SLC12A8: variants seen among roughly 807,000 people sequenced by gnomAD.
SLC12A8 encodes the protein solute carrier family 12 member 8, also known as cation-chloride cotransporter 9.
Under a neutral mutation model 75.6 loss-of-function variants are expected in SLC12A8, and 69 were observed. The ratio of observed to expected loss-of-function variants is 0.91; its 90% CI spans 0.75 to 1.11. The LOEUF (loss-of-function observed/expected upper bound fraction) is 1.11, where lower values mean the gene tolerates loss of function less well. Ranked by LOEUF, SLC12A8 falls within the 50% of genes most tolerant of loss-of-function variation. The pLI, the probability that SLC12A8 is intolerant of heterozygous loss-of-function variation, is 0.00. For synonymous variants in SLC12A8, 365 were observed against 372.8 expected, an observed-to-expected ratio of 0.98 and a Z score of 0.24; for missense variants, 877 against 896.7, an observed-to-expected ratio of 0.98 and a Z score of 0.28.
intron 6 of SLC12A8, among the ~76,000 whole-genome samples, chr3:125,124,506 T>G (rs1297442369): frequency 6.6e-6 from 1 of 152,200 alleles, no homozygotes; most frequent in Non-Finnish European, 1.5e-5. Flanking sequence ...TTTGTATTTT[T>G]AGTAGAGATG....
rs1044652928 is a variant in SLC12A8, at chr3:125,107,983, A to C, written c.1203T>G (p.Ser401=). 13 of 1,614,066 alleles carry C rather than the reference A, an allele frequency of 8.1e-6. No individual in the cohort carries two copies. The highest frequency in any genetic ancestry group is 1.1e-5 in the Non-Finnish European group (13 of 1,180,032). Residue 401 remains serine, a synonymous_variant, in exon 10 of 14, where the codon TCT becomes TCG. Coordinates refer to ENST00000469902, the MANE Select transcript of SLC12A8 (RefSeq NM_024628.6). ...FMLTYVAVDY[S]YFSLSMCSCS... ...AGGAACACATGGACAGGGAGAAGTA[A>C]GAGTAGTCCACTGCAACGTATGTCA...
intron 5 of SLC12A8, among the ~76,000 whole-genome samples, chr3:125,152,916 C>G (rs1405234793): frequency 1.3e-5 from 2 of 152,112 alleles, no homozygotes; most frequent in Non-Finnish European, 2.9e-5. Context: ...CCTCCTGGCA[C>G]CCCGTAGGCT....
At chr3:125,179,258 C>T (rs770520272) in intron 4 of SLC12A8, among the ~76,000 whole-genome samples, 2 of 152,116 alleles carry the variant, frequency 1.3e-5, no homozygotes, top group African/African-American at 2.4e-5. Flanking sequence ...TTATCTGGTT[C>T]CATATTCTAT....
intron 6 of SLC12A8, among the ~76,000 whole-genome samples, chr3:125,129,125 G>A (rs907342262): frequency 1.7e-4 from 26 of 152,238 alleles, no homozygotes; most frequent in African/African-American, 5.3e-4. Context: ...CCATGTGTTG[G>A]CTGTGGCCAA....
At chr3:125,092,067 C>G (rs1341048892) in intron 11 of SLC12A8, 34 bp downstream of exon 11, 1 of 1,505,640 alleles carries the variant, frequency 6.6e-7, no homozygotes, top group Admixed American at 1.7e-5. Context: ...AACTCTGTCC[C>G]AAGAACAACT....
intron 2 of SLC12A8, among the ~76,000 whole-genome samples, chr3:125,211,004 G>C (rs1453592760): frequency 9.9e-6 from 1 of 100,654 alleles, no homozygotes; most frequent in Non-Finnish European, 1.8e-5. Flanking sequence ...CATATTATCT[G>C]AGTCCTCACT....
chr3:125,204,260 A>G (rs377246639), intron 2 of SLC12A8, among the ~76,000 whole-genome samples: 1 of 152,250 alleles, frequency 6.6e-6, no homozygotes, highest in African/African-American at 2.4e-5. Context: ...GGAAATGAGT[A>G]TATCAAAGGG....
intron 5 of SLC12A8, among the ~76,000 whole-genome samples, chr3:125,177,025 C>T (rs1386562720): frequency 4.0e-5 from 6 of 151,508 alleles, no homozygotes; most frequent in East Asian, 1.9e-4. Flanking sequence ...CACATGCACA[C>T]GTATGTTTAT....
chr3:125,173,451 C>T (rs1167578105), intron 5 of SLC12A8, among the ~76,000 whole-genome samples: 3 of 44,308 alleles, frequency 6.8e-5, no homozygotes, highest in Admixed American at 5.7e-4. Flanking sequence ...TATTCATGAG[C>T]CAAAAAAAAA....
intron 2 of SLC12A8, among the ~76,000 whole-genome samples, chr3:125,201,151 T>C (rs1935112552): frequency 6.6e-6 from 1 of 152,290 alleles, no homozygotes; most frequent in Middle Eastern, 3.4e-3. Context: ...GTAATCCCAG[T>C]GCTTTCAGAG....
At chr3:125,182,193 G>A (rs183674961) in intron 4 of SLC12A8, among the ~76,000 whole-genome samples, 2 of 152,154 alleles carry the variant, frequency 1.3e-5, no homozygotes, top group Admixed American at 6.5e-5. Flanking sequence ...TGAGCATAGT[G>A]GTGCACGCCT....
intron 2 of SLC12A8, among the ~76,000 whole-genome samples, chr3:125,201,339 G>A (rs1579544699): frequency 6.6e-6 from 1 of 152,046 alleles, no homozygotes; most frequent in Admixed American, 6.5e-5. Context: ...AGGAGTTTAA[G>A]GCTGCAGTGA....
At chr3:125,170,937 A>G (rs189572759) in intron 5 of SLC12A8, among the ~76,000 whole-genome samples, 43 of 152,284 alleles carry the variant, frequency 2.8e-4, no homozygotes, top group Admixed American at 2.7e-3. Context: ...AAAGAAAGAA[A>G]GAAAATAGAC....
intron 2 of SLC12A8, among the ~76,000 whole-genome samples, chr3:125,202,339 G>C (rs1579545343): frequency 6.6e-6 from 1 of 152,194 alleles, no homozygotes; most frequent in Non-Finnish European, 1.5e-5. Context: ...TGAATGAAAA[G>C]GTAAGCTAAA....
chr3:125,188,009 T>C (rs939272147), intron 3 of SLC12A8, among the ~76,000 whole-genome samples: 2 of 151,998 alleles, frequency 1.3e-5, no homozygotes, highest in Non-Finnish European at 2.9e-5. Flanking sequence ...GAGGATGATA[T>C]GGTTTAGATG....
chr3:125,178,598 GA>G (rs1934588700), intron 4 of SLC12A8, among the ~76,000 whole-genome samples: 1 of 152,138 alleles, frequency 6.6e-6, no homozygotes, highest in Admixed American at 6.5e-5. Context: ...TTACCTTATG[GA>G]TTTTTTTCCA....
At chr3:125,189,913 T>C (rs1239172987) in intron 3 of SLC12A8, among the ~76,000 whole-genome samples, 2 of 152,098 alleles carry the variant, frequency 1.3e-5, no homozygotes, top group Non-Finnish European at 2.9e-5. Flanking sequence ...AGGCAATCCA[T>C]CCCTAGAGGT....
rs551708176 is a variant in SLC12A8 at position 125,177,255 on chromosome 3, C to T, written c.622+488G>A. Among the ~76,000 whole-genome samples, 414 of 142,724 alleles carry T rather than the reference C, an allele frequency of 2.9e-3. 1 individual carries two copies. The highest frequency in any genetic ancestry group is 0.01 in the African/African-American group (389 of 38,028). The allele number at this position is 142,724 out of a possible 152,430, so 93.6% of individuals were successfully genotyped here. ...AAACCAAACACCGCATGTTCTCACT[C>T]ATAGGTGGGAATTGAACAATGAGAA... On this transcript the variant is annotated intron_variant, in intron 5 of 13. Coordinates refer to ENST00000469902, the MANE Select transcript of SLC12A8 (RefSeq NM_024628.6).
chr3:125,084,548 G>A (rs1404231100), intron 13 of SLC12A8, among the ~76,000 whole-genome samples: 4 of 152,226 alleles, frequency 2.6e-5, no homozygotes, highest in Admixed American at 2.6e-4. Context: ...AAAGGCTTTT[G>A]ACACCAAGGT....
Sources: allele counts gnomAD v4.1 joint callset (sites outside exome capture counted in the v4.1 genomes callset), GRCh38; gene constraint gnomAD v4.1.1; transcripts MANE v1.5; gene names NCBI Gene and HGNC (gene_info 2026-07-23, HGNC 2026-07-21).